The following SUMF1 variants were observed in gnomAD, a reference collection of about 807,000 sequenced individuals.
The protein encoded by SUMF1 is sulfatase modifying factor 1.
In SUMF1, 48 loss-of-function variants were observed where a neutral mutation model predicts 47.6. The observed-to-expected ratio is 1.01, with a 90% CI of 0.80 to 1.28. SUMF1 has a LOEUF of 1.28. Ranked by LOEUF, SUMF1 falls within the 50% of genes most tolerant of loss-of-function variation. The pLI, the probability that SUMF1 is intolerant of heterozygous loss-of-function variation, is 0.00. For synonymous variants in SUMF1, 230 were observed against 192.1 expected, an observed-to-expected ratio of 1.20 and a Z score of -1.63; for missense variants, 571 against 485.4, an observed-to-expected ratio of 1.18 and a Z score of -1.66.
At chr3:4,167,251 A>C (rs1694728932) in intron 8 of SUMF1, among the ~76,000 whole-genome samples, 1 of 152,036 alleles carries the variant, frequency 6.6e-6, no homozygotes, top group Non-Finnish European at 1.5e-5. Flanking sequence ...ACAGCATGGA[A>C]GGGGACCCAG....
rs34593816 is a variant in SUMF1 at position 4,134,209 on chromosome 3, T to C, written c.1015-65464A>G. ...CACAAATATTCCAAAATTGACCACA[T>C]AGTTGGAAGTAAAACACTCCTCAGC... On this transcript the variant is annotated intron_variant and NMD_transcript_variant, in intron 8 of 12. Transcript: ENST00000448413. 8.4e-3 allele frequency among the ~76,000 whole-genome samples: 1,280 copies of C among 152,216 alleles called. 13 individuals are homozygous for C. The highest frequency in any genetic ancestry group is 0.01 in the Non-Finnish European group (711 of 68,022).
rs1694781111 is a variant in SUMF1, at chr3:4,035,719, A to G, written c.1191+32850T>C. Among the ~76,000 whole-genome samples the G allele has an allele frequency of 2.0e-5, 3 of 152,214 alleles. No individual in the cohort carries two copies. The South Asian group carries it at 6.2e-4, about 32-fold the overall frequency. On this transcript the variant is annotated intron_variant and NMD_transcript_variant, in intron 9 of 12. Transcript: ENST00000448413. ...ATCAATTCTGCTACTTATTGGGCAT[A>G]GAACAAATGTGCCCAATGGTGATAA...
intron 8 of SUMF1, among the ~76,000 whole-genome samples, chr3:4,319,430 A>G (rs1055848232): frequency 1.3e-5 from 2 of 152,174 alleles, no homozygotes; most frequent in African/African-American, 4.8e-5. Context: ...TAGTGAGGGA[A>G]GGAATTAAGG....
In SUMF1 at chr3:4,239,743, C is replaced by G. The variant is rs141907422; in HGVS notation, c.1014+136587G>C. ...AGAGACAATTGGACTTCCTCTTTTC[C>G]TAATTGAATACCCTTTATTTCTTTC... is the stretch of plus-strand genomic sequence containing the variant. On this transcript the variant is annotated intron_variant and NMD_transcript_variant, in intron 8 of 12. Transcript: ENST00000448413. Among the ~76,000 whole-genome samples, 37 of 152,244 alleles carry G rather than the reference C, an allele frequency of 2.4e-4. No individual in the cohort carries two copies. In the East Asian group the frequency reaches 7.0e-3, roughly 29 times the overall value.
intron 8 of SUMF1, among the ~76,000 whole-genome samples, chr3:4,160,749 G>A (rs1694557016): frequency 6.6e-6 from 1 of 151,814 alleles, no homozygotes; most frequent in South Asian, 2.1e-4. Context: ...ATTTCTTTGT[G>A]TTTCTTCAAA....
intron 8 of SUMF1, among the ~76,000 whole-genome samples, chr3:4,148,520 C>G (rs988670948): frequency 2.0e-5 from 3 of 152,124 alleles, no homozygotes; most frequent in African/African-American, 7.2e-5. Context: ...CCCTTCCTAT[C>G]CCTCCCACAC....
chr3:4,415,454 T>C (rs888034461), intron 6 of SUMF1, among the ~76,000 whole-genome samples: 1 of 147,174 alleles, frequency 6.8e-6, no homozygotes, highest in Non-Finnish European at 1.5e-5. Context: ...TATCTGAAAC[T>C]CTTACCAAGA....
chr3:4,040,761 T>G (rs1694894078), intron 9 of SUMF1, among the ~76,000 whole-genome samples: 1 of 152,158 alleles, frequency 6.6e-6, no homozygotes, highest in Non-Finnish European at 1.5e-5. Flanking sequence ...GATGCCGAAA[T>G]GGGCTAATTG....
intron 8 of SUMF1, among the ~76,000 whole-genome samples, chr3:4,144,061 GCT>G (rs915812775): frequency 6.7e-6 from 1 of 149,196 alleles, no homozygotes; most frequent in Non-Finnish European, 1.5e-5. Flanking sequence ...CCCGATCTCG[GCT>G]CTCTGCAGCC....
At chr3:4,382,780 T>C (rs796257099) in intron 7 of SUMF1, among the ~76,000 whole-genome samples, 60 of 152,184 alleles carry the variant, frequency 3.9e-4, no homozygotes, top group African/African-American at 1.4e-3. Context: ...GGGACATGGA[T>C]GAAGCTGGAA....
At chr3:4,098,845 C>T (rs1273702854) in intron 8 of SUMF1, among the ~76,000 whole-genome samples, 3 of 152,076 alleles carry the variant, frequency 2.0e-5, no homozygotes, top group African/African-American at 7.3e-5. Flanking sequence ...CATTCACAGG[C>T]CTGAGAGGAA....
intron 8 of SUMF1, among the ~76,000 whole-genome samples, chr3:4,285,319 A>G (rs1697611159): frequency 6.6e-6 from 1 of 152,172 alleles, no homozygotes; most frequent in Non-Finnish European, 1.5e-5. Flanking sequence ...ATCTTTACAA[A>G]GCACTTTTCT....
intron 8 of SUMF1, chr3:4,303,470 C>T (rs1438485801): frequency 2.0e-6 from 3 of 1,523,750 alleles, no homozygotes; most frequent in Non-Finnish European, 2.6e-6. Flanking sequence ...CGCGTGCGGC[C>T]AGGAAAACTT....
At chr3:4,085,576 CAGTCTT>C (rs1215874179) in intron 8 of SUMF1, among the ~76,000 whole-genome samples, 3 of 152,090 alleles carry the variant, frequency 2.0e-5, no homozygotes, top group African/African-American at 7.2e-5. Flanking sequence ...CACTCATAGT[CAGTCTT>C]AAAGTATTGA....
At chr3:4,082,706 C>T (rs1165203647) in intron 8 of SUMF1, among the ~76,000 whole-genome samples, 1 of 151,736 alleles carries the variant, frequency 6.6e-6, no homozygotes, top group Non-Finnish European at 1.5e-5. Flanking sequence ...TGCAATATTA[C>T]CTCTATGAAC....
chr3:4,415,100 A>C (rs1239290335), intron 6 of SUMF1: 2 of 152,092 alleles, frequency 1.3e-5, no homozygotes, highest in Non-Finnish European at 2.9e-5. Context: ...TGTGGTGCAC[A>C]GCTATAATCC....
chr3:4,068,900 A>G (rs1285980672), intron 8 of SUMF1, among the ~76,000 whole-genome samples: 1 of 152,202 alleles, frequency 6.6e-6, no homozygotes, highest in Non-Finnish European at 1.5e-5. Flanking sequence ...ACTTAAAATG[A>G]TTAAGTGTCT....
chr3:4,179,995 T>A (rs1208013329), intron 8 of SUMF1, among the ~76,000 whole-genome samples: 1 of 152,178 alleles, frequency 6.6e-6, no homozygotes, highest in Non-Finnish European at 1.5e-5. Context: ...CACAATGAGA[T>A]ACCATCTCAC....
At chr3:4,333,820 ATTTT>A (rs34421929) in intron 8 of SUMF1, among the ~76,000 whole-genome samples, 1 of 148,356 alleles carries the variant, frequency 6.7e-6, no homozygotes, top group Admixed American at 6.7e-5. Flanking sequence ...TAAGCACATA[ATTTT>A]TTTTTTTTTT....
Sources: allele counts gnomAD v4.1 joint callset (sites outside exome capture counted in the v4.1 genomes callset), GRCh38; gene constraint gnomAD v4.1.1; transcripts MANE v1.5; gene names NCBI Gene and HGNC (gene_info 2026-07-23, HGNC 2026-07-21).